The following SDK2 variants were observed in gnomAD, a reference collection of about 807,000 sequenced individuals.
SDK2 encodes the protein sidekick cell adhesion molecule 2.
SDK2 carries 105 observed loss-of-function variants against 253.9 expected under a neutral mutation model. The ratio of observed to expected loss-of-function variants is 0.41; its 90% CI spans 0.35 to 0.49. The LOEUF (loss-of-function observed/expected upper bound fraction) is 0.49. Ranked by LOEUF, SDK2 falls within the 20% of genes least tolerant of loss-of-function variation. The pLI is 0.06. For synonymous variants in SDK2, 1,249 were observed against 1,234.9 expected, an observed-to-expected ratio of 1.01 and a Z score of -0.24; for missense variants, 2,608 against 3,003.0, an observed-to-expected ratio of 0.87 and a Z score of 3.07.
intron 27 of SDK2, among the ~76,000 whole-genome samples, chr17:73,392,459 G>C (rs917839908): frequency 2.6e-5 from 4 of 151,932 alleles, no homozygotes; most frequent in East Asian, 3.9e-4. Flanking sequence ...GGTAGAGACA[G>C]GGTTTTACCA....
intron 2 of SDK2, among the ~76,000 whole-genome samples, chr17:73,495,982 G>A (rs74523564): frequency 0.02 from 2,996 of 152,310 alleles, 92 homozygotes; most frequent in African/African-American, 0.067. Context: ...AGATGTCCAA[G>A]CTCATGGCCA....
intron 18 of SDK2, among the ~76,000 whole-genome samples, 174 bp downstream of exon 18, chr17:73,414,470 G>A (rs1287535213): frequency 1.1e-4 from 17 of 152,168 alleles, no homozygotes; most frequent in Admixed American, 1.1e-3. Context: ...TGGCCCACAT[G>A]TAGCCTTGGG....
At chr17:73,614,102 C>A (rs1355972713) in intron 1 of SDK2, among the ~76,000 whole-genome samples, 1 of 151,852 alleles carries the variant, frequency 6.6e-6, no homozygotes, top group Admixed American at 6.6e-5. Flanking sequence ...CCCCAGCCCT[C>A]GCTCCCTCCC....
At chr17:73,457,023 C>A (rs1040346773) in intron 3 of SDK2, among the ~76,000 whole-genome samples, 1 of 152,178 alleles carries the variant, frequency 6.6e-6, no homozygotes, top group Non-Finnish European at 1.5e-5. Flanking sequence ...GGATCAGAAG[C>A]AGCATTTTAG....
intron 37 of SDK2, among the ~76,000 whole-genome samples, chr17:73,367,953 T>C (rs2062699615): frequency 6.6e-6 from 1 of 152,216 alleles, no homozygotes; most frequent in Admixed American, 6.5e-5. Flanking sequence ...GCTTATGATC[T>C]GTCCCCCGCA....
Position 73,443,564 on chromosome 17 carries a change from A to C in SDK2, c.614-2641T>G, listed in dbSNP as rs1187313359. ...GAAGGCGAGTTCTGAGTTTAAAAATACGAGGGCTGCCCCAGGGCTCAGGGC... is the reference window on the plus strand; with the variant it reads ...GAAGGCGAGTTCTGAGTTTAAAAATCCGAGGGCTGCCCCAGGGCTCAGGGC... On this transcript the variant is annotated intron_variant, in intron 5 of 44. Coordinates refer to ENST00000392650, the MANE Select transcript of SDK2 (RefSeq NM_001144952.2). The surrounding 1 kb of genome is among the most constrained non-coding windows in gnomAD (Gnocchi z 4.6). Among the ~76,000 whole-genome samples the C allele has an allele frequency of 6.6e-6, 1 of 152,222 alleles. No homozygotes were observed. The highest frequency in any genetic ancestry group is 1.5e-5 in the Non-Finnish European group (1 of 68,042).
At chr17:73,479,223 C>G (rs895210442) in intron 2 of SDK2, among the ~76,000 whole-genome samples, 1 of 152,270 alleles carries the variant, frequency 6.6e-6, no homozygotes, top group Non-Finnish European at 1.5e-5. Flanking sequence ...GAGGCCAACA[C>G]AGGTTCCAGG....
chr17:73,444,725 A>C (rs1009743281), intron 5 of SDK2, among the ~76,000 whole-genome samples: 1 of 152,182 alleles, frequency 6.6e-6, no homozygotes, highest in Non-Finnish European at 1.5e-5. Flanking sequence ...ACCAGTTTAC[A>C]GATGGGGAAA....
intron 4 of SDK2, among the ~76,000 whole-genome samples, chr17:73,451,039 C>A (rs1474587853): frequency 1.3e-5 from 2 of 152,218 alleles, no homozygotes; most frequent in Non-Finnish European, 2.9e-5. Context: ...CCAGGTGGGG[C>A]AGTGAGGCTG....
intron 1 of SDK2, among the ~76,000 whole-genome samples, chr17:73,576,403 G>A (rs2045459479): frequency 1.3e-5 from 2 of 152,214 alleles, no homozygotes; most frequent in South Asian, 2.1e-4. Flanking sequence ...TCCCAAGGAA[G>A]GGAGGGGTGT....
At chr17:73,564,098 C>A (rs1368827574) in intron 1 of SDK2, among the ~76,000 whole-genome samples, 2 of 152,182 alleles carry the variant, frequency 1.3e-5, no homozygotes, top group Non-Finnish European at 2.9e-5. Context: ...TTGAAAACTT[C>A]TTTTGTATTC....
At chr17:73,340,742 T>G (rs2062428188) in intron 44 of SDK2, among the ~76,000 whole-genome samples, 2 of 127,746 alleles carry the variant, frequency 1.6e-5, no homozygotes, top group East Asian at 4.5e-4. Context: ...AAGTTTTTTT[T>G]TTTTTTTTTT....
Position 73,399,149 on chromosome 17 carries a change from G to C in SDK2, c.3093+19C>G, listed in dbSNP as rs765349782. ...GTGCCCTGGCGGGGGCTGCTGGTCA[G>C]GCCCCAGGCCTGCCCTACCTGGGCT... On this transcript the variant is annotated intron_variant, in intron 22 of 44. Coordinates refer to ENST00000392650, the MANE Select transcript of SDK2 (RefSeq NM_001144952.2). The C allele has an allele frequency of 1.9e-6, 3 of 1,612,698 alleles. No individual in the cohort carries two copies. Among genetic ancestry groups the C allele is most frequent in the Admixed American group, 1.7e-5 (1 of 59,980 alleles).
Position 73,526,640 on chromosome 17 carries a change from T to TGC in SDK2, c.65-19045_65-19044dup, listed in dbSNP as rs528528179. 2.4e-3 allele frequency among the ~76,000 whole-genome samples: 358 copies of TGC among 152,200 alleles called. 1 individual carries two copies. The highest frequency in any genetic ancestry group is 3.7e-3 in the Non-Finnish European group (252 of 67,996). On this transcript the variant is annotated intron_variant, in intron 1 of 44. Transcript: ENST00000392650. Reference sequence around the variant, plus strand: ...GTGTGTGTGTACATAGGTGTGTGTGTGCATGTGTATGTGTGCATATGTGTG... The same window carrying TGC: ...GTGTGTGTGTACATAGGTGTGTGTGTGCGCATGTGTATGTGTGCATATGTGTG...
chr17:73,372,645 A>G (rs1215113318), intron 36 of SDK2, among the ~76,000 whole-genome samples: 5 of 151,974 alleles, frequency 3.3e-5, no homozygotes, highest in African/African-American at 1.2e-4. Context: ...GGAGGCTGAG[A>G]CAGGACAATC....
At chr17:73,636,117 TGGAAGCCAAA>T (rs2046326576) in intron 1 of SDK2, among the ~76,000 whole-genome samples, 1 of 152,038 alleles carries the variant, frequency 6.6e-6, no homozygotes, top group South Asian at 2.1e-4. Flanking sequence ...ACGTATGCCG[TGGAAGCCAAA>T]GGCAGCCTGG....
intron 1 of SDK2, among the ~76,000 whole-genome samples, chr17:73,575,140 G>T (rs1196732679): frequency 6.6e-6 from 1 of 152,222 alleles, no homozygotes; most frequent in Non-Finnish European, 1.5e-5. Flanking sequence ...TGGCTCTGCT[G>T]CTTCCCCTTG....
At chr17:73,466,537 C>T (rs1382498146) in intron 3 of SDK2, among the ~76,000 whole-genome samples, 1 of 152,150 alleles carries the variant, frequency 6.6e-6, no homozygotes, top group Non-Finnish European at 1.5e-5. Context: ...GTGGAACTGC[C>T]AGCTGTGGAA....
chr17:73,631,898 A>G (rs2046276087), intron 1 of SDK2, among the ~76,000 whole-genome samples: 1 of 152,190 alleles, frequency 6.6e-6, no homozygotes, highest in African/African-American at 2.4e-5. Flanking sequence ...CAAGCCCTCA[A>G]CTAGTCTCCA....
Sources: allele counts gnomAD v4.1 joint callset (sites outside exome capture counted in the v4.1 genomes callset), GRCh38; gene constraint gnomAD v4.1.1; non-coding constraint Gnocchi (gnomAD v3.1); transcripts MANE v1.5; gene names NCBI Gene and HGNC (gene_info 2026-07-23, HGNC 2026-07-21).